The following SAMD13 variants were observed in gnomAD, a reference collection of about 807,000 sequenced individuals.
The protein encoded by SAMD13 is sterile alpha motif domain-containing protein 13.
Under a neutral mutation model 12.4 loss-of-function variants are expected in SAMD13, and 9 were observed. That is an observed-to-expected ratio of 0.72 (90% CI 0.44 to 1.26). The LOEUF is 1.26. Among genes scored for constraint, SAMD13 ranks in the 50% most tolerant of loss-of-function variants. The pLI is 0.00. For synonymous variants in SAMD13, 46 were observed against 45.4 expected (o/e 1.01, Z -0.05); for missense variants, 84 against 119.6 (o/e 0.70, Z 1.39).
chr1:84,314,238 C>G (rs1200900012), intron 2 of SAMD13, among the ~76,000 whole-genome samples: 1 of 152,048 alleles, frequency 6.6e-6, no homozygotes, highest in Non-Finnish European at 1.5e-5. Flanking sequence ...GTACAGCAAT[C>G]TACAGATCAG....
chr1:84,344,584 A>T, intron 3 of SAMD13: 1 of 278,060 alleles, frequency 3.6e-6, no homozygotes. Flanking sequence ...CTTGGTGTAA[A>T]CTTGAATAGT....
intron 3 of SAMD13, among the ~76,000 whole-genome samples, chr1:84,335,320 C>T (rs191927342): frequency 2.3e-4 from 35 of 151,932 alleles, no homozygotes; most frequent in African/African-American, 8.0e-4. Context: ...TTTTTAAAAT[C>T]GTTGTTGGTT....
upstream of SAMD13, chr1:84,299,739 G>C: frequency 1.7e-6 from 1 of 590,324 alleles, no homozygotes; most frequent in East Asian, 6.5e-5. Context: ...AAACTAGCTG[G>C]TAAGTGAAAC....
At position 84,309,173 on chromosome 1, in the gene SAMD13, G is replaced by T. The variant is rs549192391; in HGVS notation, c.53+5886G>T. On this transcript the variant is annotated intron_variant, in intron 2 of 3. Coordinates refer to ENST00000394834, the MANE Select transcript of SAMD13 (RefSeq NM_001134663.2). ...TACTTAAAAATGACATGAGAAAGTG[G>T]CAAACCTGAAGTTTGAACCTGGCTC... Among the ~76,000 whole-genome samples the T allele has an allele frequency of 3.3e-5, 5 of 152,154 alleles. No homozygotes were observed. The South Asian group carries it at 1.0e-3, about 32-fold the overall frequency.
At chr1:84,347,878 A>G (rs1194156693) in intron 3 of SAMD13, among the ~76,000 whole-genome samples, 1 of 152,212 alleles carries the variant, frequency 6.6e-6, no homozygotes, top group East Asian at 1.9e-4. Flanking sequence ...AGGATTATTG[A>G]GTCAATTCCT....
At position 84,325,130 on chromosome 1, in the gene SAMD13, A is replaced by G. The variant is rs1187339273; in HGVS notation, c.54-507A>G. Among the ~76,000 whole-genome samples, 3 of 152,158 alleles carry G rather than the reference A, an allele frequency of 2.0e-5. No homozygotes were observed. The East Asian group carries it at 5.8e-4, about 29-fold the overall frequency. ...TAAAACACACCCTTGGAAGAGCCAG[A>G]AAAAATGCTTCAAAGAGGAGGTAGT... On this transcript the variant is annotated intron_variant, in intron 2 of 3. Transcript: ENST00000394834.
At chr1:84,317,709 T>TA (rs1325646293) in intron 2 of SAMD13, among the ~76,000 whole-genome samples, 11 of 152,034 alleles carry the variant, frequency 7.2e-5, no homozygotes, top group Non-Finnish European at 1.5e-5. Flanking sequence ...ACTGACCTCA[T>TA]AAAAAAAGTT....
At chr1:84,299,544 C>T (rs1172987668), upstream of SAMD13, 14 of 1,401,098 alleles carry the variant, frequency 1.0e-5, no homozygotes, top group Non-Finnish European at 1.2e-5. Flanking sequence ...AAGTACACCA[C>T]ATAGTGCACA....
chr1:84,308,086 A>G (rs1678622499), intron 2 of SAMD13, among the ~76,000 whole-genome samples: 1 of 152,194 alleles, frequency 6.6e-6, no homozygotes, highest in Admixed American at 6.5e-5. Context: ...CAGTGAGTGG[A>G]ATGGCTTACC....
intron 3 of SAMD13, among the ~76,000 whole-genome samples, chr1:84,326,436 C>G (rs1462366159): frequency 1.3e-5 from 2 of 152,092 alleles, no homozygotes; most frequent in African/African-American, 2.4e-5. Flanking sequence ...TTCCTCAGGT[C>G]CAGGGATGGT....
At chr1:84,308,948 G>A (rs1448932117) in intron 2 of SAMD13, among the ~76,000 whole-genome samples, 1 of 152,082 alleles carries the variant, frequency 6.6e-6, no homozygotes, top group African/African-American at 2.4e-5. Flanking sequence ...CCTTGCTTTT[G>A]TTTCTTAAAT....
chr1:84,338,444 T>C (rs1679351011), intron 3 of SAMD13, among the ~76,000 whole-genome samples: 2 of 146,616 alleles, frequency 1.4e-5, no homozygotes, highest in Admixed American at 6.7e-5. Context: ...TTTTTTTTTT[T>C]TTTTTTTTTT....
At chr1:84,312,148 GT>G (rs34272806) in intron 2 of SAMD13, among the ~76,000 whole-genome samples, 135,340 of 151,858 alleles carry the variant, frequency 0.89, 60,606 homozygotes, top group Non-Finnish European at 0.95. Flanking sequence ...TTGAAAAATT[GT>G]TTTTTTTGTC....
intron 3 of SAMD13, among the ~76,000 whole-genome samples, chr1:84,341,666 G>A (rs1679428805): frequency 6.6e-6 from 1 of 152,124 alleles, no homozygotes; most frequent in African/African-American, 2.4e-5. Flanking sequence ...GACTTGGTAT[G>A]AAAGAGGAGT....
upstream of SAMD13, chr1:84,299,677 T>G (rs1625305): frequency 3.1e-6 from 1 of 318,402 alleles, no homozygotes; most frequent in East Asian, 2.1e-4. Flanking sequence ...ATATATATAT[T>G]TATTTATTTA....
intron 2 of SAMD13, among the ~76,000 whole-genome samples, chr1:84,321,755 C>T (rs1055447860): frequency 6.6e-6 from 1 of 152,224 alleles, no homozygotes; most frequent in African/African-American, 2.4e-5. Flanking sequence ...CCTCCAGTAT[C>T]TTCCCATGTC....
chr1:84,314,995 T>TCC (rs1309149696), intron 2 of SAMD13, among the ~76,000 whole-genome samples: 38 of 132,976 alleles, frequency 2.9e-4, no homozygotes, highest in Non-Finnish European at 4.1e-4. Context: ...CCTCCCTCTC[T>TCC]CTCTTTCTCT....
In SAMD13 at chr1:84,350,268, T is replaced by C. The variant is rs989903508; in HGVS notation, c.*494T>C. The C allele has an allele frequency of 6.5e-6, 1 of 152,830 alleles. No homozygotes were observed. Among genetic ancestry groups the C allele is most frequent in the African/African-American group, 2.4e-5 (1 of 41,436 alleles). 9.5% of individuals were successfully genotyped at this position (152,830 alleles called of 1,614,324 possible). ...GGACGGAATTGCCAACACCCTTTTT[T>C]ATAGAGGGTTCTCCACTTGACCTTA... On this transcript the variant is annotated 3_prime_UTR_variant, in exon 4 of 4. Coordinates refer to ENST00000394834, the MANE Select transcript of SAMD13 (RefSeq NM_001134663.2).
intron 3 of SAMD13, among the ~76,000 whole-genome samples, chr1:84,334,435 G>T (rs1463352993): frequency 1.3e-5 from 2 of 151,890 alleles, no homozygotes; most frequent in African/African-American, 2.4e-5. Context: ...TATTTATTTG[G>T]ATATTCATTC....
Sources: allele counts gnomAD v4.1 joint callset (sites outside exome capture counted in the v4.1 genomes callset), GRCh38; gene constraint gnomAD v4.1.1; transcripts MANE v1.5; gene names NCBI Gene and HGNC (gene_info 2026-07-23, HGNC 2026-07-21).